The following PLEKHN1 variants were observed in gnomAD, a reference collection of about 807,000 sequenced individuals.
PLEKHN1 encodes pleckstrin homology domain-containing family N member 1.
In PLEKHN1, 68 loss-of-function variants were observed where a neutral mutation model predicts 72.8. That is an observed-to-expected ratio of 0.93 (90% CI 0.77 to 1.14). The LOEUF (loss-of-function observed/expected upper bound fraction) is 1.14. PLEKHN1 is among the 50% of genes most tolerant of loss of function. The pLI, the probability that PLEKHN1 is intolerant of heterozygous loss-of-function variation, is 0.00. For synonymous variants in PLEKHN1, 454 were observed against 371.6 expected (o/e 1.22, Z -2.55); for missense variants, 1,015 against 840.5 (o/e 1.21, Z -2.57).
rs1362058988 is a variant in PLEKHN1, at chr1:970,183, C to T, written c.184-94C>T. 7.2e-7 allele frequency: 1 copy of T among 1,397,362 alleles called. No homozygotes were observed. Among genetic ancestry groups the T allele is most frequent in the East Asian group, 2.3e-5 (1 of 42,966 alleles). The allele number at this position is 1,397,362 out of a possible 1,614,324, so 86.6% of individuals were successfully genotyped here. A position where few individuals can be genotyped will look rare whatever the true frequency, so the allele number is the denominator to read the frequency against. On this transcript the variant is annotated intron_variant, in intron 2 of 15. Coordinates refer to ENST00000379410, the MANE Select transcript of PLEKHN1 (RefSeq NM_032129.3). This position sits in a 1 kb window ranked among gnomAD's most constrained non-coding sequence, Gnocchi z 4.2. Reference sequence around the variant, plus strand: ...TATGTGTTGTGTGGCTATGCACAGGCAGACCATGCTATAGTCCTGTAGCTG... The same window carrying T: ...TATGTGTTGTGTGGCTATGCACAGGTAGACCATGCTATAGTCCTGTAGCTG...
rs1310383648 is a variant in PLEKHN1 at position 972,743 on chromosome 1, G to A, written c.1003-118G>A. On this transcript the variant is annotated intron_variant, in intron 10 of 15. Coordinates refer to ENST00000379410, the MANE Select transcript of PLEKHN1 (RefSeq NM_032129.3). ...ATCGTGCCACTGTACTGCAGCCTGG[G>A]CGACAGAATAAGACTTCGTCCCAAA... 3.8e-6 allele frequency: 5 copies of A among 1,308,858 alleles called. No individual in the cohort carries two copies. The South Asian group carries it at 7.7e-5, about 20-fold the overall frequency. The allele number at this position is 1,308,858 out of a possible 1,614,324, so 81.1% of individuals were successfully genotyped here. A position where few individuals can be genotyped will look rare whatever the true frequency, so the allele number is the denominator to read the frequency against.
intron 2 of PLEKHN1, among the ~76,000 whole-genome samples, chr1:968,693 C>T (rs569008045): frequency 6.6e-6 from 1 of 152,294 alleles, no homozygotes; most frequent in East Asian, 1.9e-4. Flanking sequence ...TGCAGAGGAT[C>T]AGGGAAGGCT....
chr1:971,259 G>A (rs1205020103), intron 7 of PLEKHN1, 51 bp downstream of exon 7: 1 of 1,556,674 alleles, frequency 6.4e-7, no homozygotes, highest in Non-Finnish European at 8.7e-7. Context: ...GTGCATGGTG[G>A]TGGGCAGGGC....
At position 973,841 on chromosome 1, in the gene PLEKHN1, T is replaced by G. The variant is rs62639985; in HGVS notation, c.1443T>G (p.Ser481Arg). Residue 481 changes from serine to arginine, a missense_variant, in exon 14 of 16, where the codon AGT (serine) becomes AGG (arginine). Coordinates refer to ENST00000379410, the MANE Select transcript of PLEKHN1 (RefSeq NM_032129.3). ...TDVRGLEEFL[S>R]AMQSARGPTP... is the part of the protein sequence containing the mutation. ...CCTGGCTCTCCCTGCAGTTCCTCAG[T>G]GCCATGCAGAGTGCACGTGGACCCA... The G allele has an allele frequency of 3.4e-4, 542 of 1,609,658 alleles. 1 individual carries two copies. The highest frequency in any genetic ancestry group is 4.2e-4 in the Non-Finnish European group (491 of 1,179,602).
At chr1:972,052 G>C in intron 8 of PLEKHN1, 23 bp from the exon 9 acceptor site, 1 of 1,609,146 alleles carries the variant, frequency 6.2e-7, no homozygotes, top group Non-Finnish European at 8.5e-7. Context: ...ACAAAGGCCT[G>C]GCCCTCAATC....
Position 971,224 on chromosome 1 carries a change from G to A in PLEKHN1, c.708+16G>A, listed in dbSNP as rs371436290. The A allele has an allele frequency of 3.6e-5, 56 of 1,567,436 alleles. No homozygotes were observed. Among genetic ancestry groups the A allele is most frequent in the Admixed American group, 1.3e-4 (7 of 53,486 alleles). ...GCCCGCACAGGTGGGTGGGAGGTGC[G>A]TGGGGCTGTAGGGGGATGGGAGGGG... is the stretch of plus-strand genomic sequence containing the variant. On this transcript the variant is annotated intron_variant, in intron 7 of 15. Coordinates refer to ENST00000379410, the MANE Select transcript of PLEKHN1 (RefSeq NM_032129.3).
chr1:966,827 T>C, intron 2 of PLEKHN1, 24 bp downstream of exon 2: 1 of 1,541,252 alleles, frequency 6.5e-7, no homozygotes, highest in Non-Finnish European at 8.7e-7. Flanking sequence ...GCACGGTGGC[T>C]GTGGTCTGGG....
At chr1:969,024 G>A (rs796250375) in intron 2 of PLEKHN1, among the ~76,000 whole-genome samples, 1 of 152,184 alleles carries the variant, frequency 6.6e-6, no homozygotes, top group East Asian at 1.9e-4. Context: ...AATGGGCAAC[G>A]GTGAGGACAC....
rs749507094 is a variant in PLEKHN1 at position 974,594 on chromosome 1, T to A, written c.*19T>A. ...GATCTGATGGCCGCGGTGAGGTGGG[T>A]TCTCAGGACCACCCTCGCCAAGCTC... On this transcript the variant is annotated 3_prime_UTR_variant, in exon 16 of 16. Transcript: ENST00000379410. The A allele has an allele frequency of 3.1e-6, 5 of 1,602,172 alleles. No homozygotes were observed. The highest frequency in any genetic ancestry group is 3.4e-6 in the Non-Finnish European group (4 of 1,174,478).
intron 10 of PLEKHN1, among the ~76,000 whole-genome samples, 194 bp downstream of exon 10, chr1:972,618 A>T (rs77098784): frequency 0.037 from 5,583 of 152,222 alleles, 199 homozygotes; most frequent in East Asian, 0.14. Context: ...ATACAAAAAA[A>T]TTAGCCGGGC....
Position 970,546 on chromosome 1 carries a change from T to G in PLEKHN1, c.356T>G (p.Leu119Arg), listed in dbSNP as rs1643256547. 1.2e-6 allele frequency: 2 copies of G among 1,612,976 alleles called. No homozygotes were observed. The highest frequency in any genetic ancestry group is 1.7e-6 in the Non-Finnish European group (2 of 1,179,956). The change falls in exon 4 of 16, where the codon CTA becomes CGA. Residue 119 changes from leucine to arginine, a missense_variant. Physicochemically the swap from Leu to Arg is moderately radical, Grantham distance 102. Coordinates refer to ENST00000379410, the MANE Select transcript of PLEKHN1 (RefSeq NM_032129.3). The surrounding 1 kb of genome is among the most constrained non-coding windows in gnomAD (Gnocchi z 4.2). ...GATGTCAGCGACTGCTACCTGGAGC[T>G]ATTCCCCGCCCACCTGTACTTCCAG... ...SQDVSDCYLE[L>R]FPAHLYFQAH...
In PLEKHN1 at chr1:973,868, G is replaced by A. The variant is rs368689384; in HGVS notation, c.1470G>A (p.Thr490=). 1.2e-5 allele frequency: 20 copies of A among 1,610,476 alleles called. No individual in the cohort carries two copies. The highest frequency in any genetic ancestry group is 4.5e-5 in the East Asian group (2 of 44,890). ...CCATGCAGAGTGCACGTGGACCCAC[G>A]CCCTCGAGCCCACTCCCCTCGGTGC... ...LSAMQSARGP[T]PSSPLPSVPV... Residue 490 remains threonine (T), a synonymous_variant, in exon 14 of 16, where the codon ACG becomes ACA. Coordinates refer to ENST00000379410, the MANE Select transcript of PLEKHN1 (RefSeq NM_032129.3).
In PLEKHN1 at chr1:971,203, G is replaced by A. The variant is rs200886536; in HGVS notation, c.703G>A (p.Ala235Thr). 119 of 1,575,258 alleles carry A rather than the reference G, an allele frequency of 7.6e-5. 2 individuals carry two copies. In the African/African-American group the frequency reaches 1.1e-3, roughly 15 times the overall value. ...ASRVKLQHLP[A>T]QEQWDRLLVL... ...GAGGGTCAAGCTGCAGCACCTGCCCGCACAGGTGGGTGGGAGGTGCGTGGG... is the reference window on the plus strand; with the variant it reads ...GAGGGTCAAGCTGCAGCACCTGCCCACACAGGTGGGTGGGAGGTGCGTGGG... The change falls in exon 7 of 16, where the codon GCA (alanine) becomes ACA (threonine). Residue 235 changes from alanine to threonine, a missense_variant. Transcript: ENST00000379410.
rs375288209 is a variant in PLEKHN1, at chr1:971,015, C to T, written c.612+9C>T. ...ACTCGGCACCCCCACAGGTCAGTGC[C>T]GGGGACCCCACCCCCCTCCCCACCC... is the stretch of plus-strand genomic sequence containing the variant. On this transcript the variant is annotated intron_variant, in intron 6 of 15. Transcript: ENST00000379410. 1.9e-4 allele frequency: 297 copies of T among 1,593,362 alleles called. 7 individuals carry two copies. Among genetic ancestry groups the T allele is most frequent in the East Asian group, 9.8e-4 (43 of 44,028 alleles).
rs1329830331 is a variant in PLEKHN1, at chr1:970,008, T to G, written c.184-269T>G. On this transcript the variant is annotated intron_variant, in intron 2 of 15. Coordinates refer to ENST00000379410, the MANE Select transcript of PLEKHN1 (RefSeq NM_032129.3). The surrounding 1 kb of genome is among the most constrained non-coding windows in gnomAD (Gnocchi z 4.2). ...GTTCTTCACGTATGTGTTGTGTGGC[T>G]GTGCACAGGTTCTGTGCCTGTGGGG... Among the ~76,000 whole-genome samples the G allele has an allele frequency of 2.0e-5, 3 of 151,798 alleles. No individual in the cohort carries two copies. The highest frequency in any genetic ancestry group is 4.4e-5 in the Non-Finnish European group (3 of 67,882).
At chr1:971,568 A>G (rs1355395977) in intron 8 of PLEKHN1, 164 bp downstream of exon 8, 7 of 675,260 alleles carry the variant, frequency 1.0e-5, no homozygotes, top group Middle Eastern at 4.0e-4. Context: ...CCGCTGTGAC[A>G]TGGAGGAGCC....
chr1:970,400 C>CA lies in PLEKHN1; in HGVS notation c.308dup (p.Leu104AlafsTer185), dbSNP rs1404948864. On this transcript the variant is annotated frameshift_variant, in exon 3 of 16. Transcript: ENST00000379410. LOFTEE classifies it high-confidence loss of function. This position sits in a 1 kb window ranked among gnomAD's most constrained non-coding sequence, Gnocchi z 4.2. Reference sequence around the variant, plus strand: ...AAAAGTTGTGCATTACGCCAAGGTCCAGCTGCGGTTCCAGCACAGCCAGGT... The same window carrying CA: ...AAAAGTTGTGCATTACGCCAAGGTCCAAGCTGCGGTTCCAGCACAGCCAGGT... 1 of 1,613,490 alleles carries CA rather than the reference C, an allele frequency of 6.2e-7. No homozygotes were observed. The highest frequency in any genetic ancestry group is 8.5e-7 in the Non-Finnish European group (1 of 1,179,958).
At chr1:974,157 C>A in intron 14 of PLEKHN1, 106 bp downstream of exon 14, 3 of 1,478,908 alleles carry the variant, frequency 2.0e-6, no homozygotes, top group Non-Finnish European at 2.8e-6. Context: ...AACAGGAGGA[C>A]GGGGGCAGAT....
Position 966,812 on chromosome 1 carries a change from G to A in PLEKHN1, c.183+9G>A, listed in dbSNP as rs1478592660. 7.7e-6 allele frequency: 12 copies of A among 1,550,196 alleles called. No individual in the cohort carries two copies. The highest frequency in any genetic ancestry group is 4.9e-5 in the East Asian group (2 of 41,188). On this transcript the variant is annotated intron_variant, in intron 2 of 15. Transcript: ENST00000379410. Reference sequence around the variant, plus strand: ...ACTACATCCCGGGCACGGTGAGCGCGGCGTGCACGGTGGCTGTGGTCTGGG... The same window carrying A: ...ACTACATCCCGGGCACGGTGAGCGCAGCGTGCACGGTGGCTGTGGTCTGGG...
Sources: gnomAD v4.1 joint callset for allele counts (sites outside exome capture counted in the v4.1 genomes callset) on GRCh38, gnomAD v4.1.1 for gene constraint, Gnocchi (gnomAD v3.1) non-coding constraint, MANE v1.5 for transcripts, NCBI Gene and HGNC (gene_info 2026-07-23, HGNC 2026-07-21) for gene names.